TMEM51: variants seen among roughly 807,000 people sequenced by gnomAD.
TMEM51 encodes the protein transmembrane protein 51.
A neutral mutation model predicts 13.6 loss-of-function variants in TMEM51; 8 were observed. The ratio of observed to expected loss-of-function variants is 0.59; its 90% CI spans 0.35 to 1.07. TMEM51 has a LOEUF of 1.07. Ranked by LOEUF, TMEM51 falls within the 50% of genes least tolerant of loss-of-function variation. The pLI is 0.02. For synonymous variants in TMEM51, 147 were observed against 144.4 expected, an observed-to-expected ratio of 1.02 and a Z score of -0.13; for missense variants, 279 against 330.7, an observed-to-expected ratio of 0.84 and a Z score of 1.21.
intron 1 of TMEM51, among the ~76,000 whole-genome samples, chr1:15,173,684 A>G (rs886762025): frequency 6.6e-6 from 1 of 152,026 alleles, no homozygotes; most frequent in South Asian, 2.1e-4. Flanking sequence ...TCTAAAAAAA[A>G]AAAAACACAA....
chr1:15,190,295 G>A (rs1479219430), intron 1 of TMEM51, among the ~76,000 whole-genome samples: 2 of 152,176 alleles, frequency 1.3e-5, no homozygotes, highest in African/African-American at 2.4e-5. Context: ...TGGCTGCTTC[G>A]TGATGACATG....
At chr1:15,187,877 ACTCT>A (rs923449297) in intron 1 of TMEM51, among the ~76,000 whole-genome samples, 1 of 151,632 alleles carries the variant, frequency 6.6e-6, no homozygotes, top group African/African-American at 2.4e-5. Flanking sequence ...TCAGAGCCTG[ACTCT>A]CAGCCCCCAT....
chr1:15,217,324 A>G (rs1199335652), intron 3 of TMEM51, among the ~76,000 whole-genome samples: 6 of 152,164 alleles, frequency 3.9e-5, no homozygotes, highest in Admixed American at 3.9e-4. Flanking sequence ...TTGCCCTTCA[A>G]TTTACATTAA....
rs1643451358 is a variant in TMEM51, at chr1:15,176,173, A to C, written c.-267+22219A>C. ...CCAACAACCCAGTGGTTGCTCAGTC[A>C]ATGTTTATTGAAATGAATGAATGAA... is the stretch of plus-strand genomic sequence containing the variant. On this transcript the variant is annotated intron_variant, in intron 1 of 3. Transcript: ENST00000376008. Among the ~76,000 whole-genome samples, 3 of 152,162 alleles carry C rather than the reference A, an allele frequency of 2.0e-5. No individual in the cohort carries two copies. The South Asian group carries it at 6.2e-4, about 32-fold the overall frequency.
intron 1 of TMEM51, among the ~76,000 whole-genome samples, chr1:15,156,554 CT>C (rs748718272): frequency 1.4e-4 from 21 of 152,346 alleles, no homozygotes; most frequent in Non-Finnish European, 2.6e-4. Flanking sequence ...GGGCTGCTGA[CT>C]TTTGCTTTCA....
chr1:15,212,223 A>G (rs1644351898), intron 2 of TMEM51, among the ~76,000 whole-genome samples: 1 of 152,212 alleles, frequency 6.6e-6, no homozygotes, highest in African/African-American at 2.4e-5. Flanking sequence ...AAAACTTGCC[A>G]TCTAAAAAAA....
intron 1 of TMEM51, among the ~76,000 whole-genome samples, chr1:15,196,396 G>GCA (rs1445233857): frequency 0.036 from 105 of 2,928 alleles, no homozygotes; most frequent in African/African-American, 0.11. Context: ...GTGTGTGCAT[G>GCA]TGTGTGTGTG....
chr1:15,157,502 T>C (rs999795579), intron 1 of TMEM51, among the ~76,000 whole-genome samples: 1 of 152,176 alleles, frequency 6.6e-6, no homozygotes, highest in African/African-American at 2.4e-5. Flanking sequence ...TTCCAGAGTT[T>C]GTCTTGAATG....
rs80289608 is a variant in TMEM51, at chr1:15,184,891, T to C, written c.-266-25599T>C. ...CTGGGGAGATGCTATTGGTATCTAGTAGGTAGAGACCAGAGATGCTGTTAT... is the reference window on the plus strand; with the variant it reads ...CTGGGGAGATGCTATTGGTATCTAGCAGGTAGAGACCAGAGATGCTGTTAT... On this transcript the variant is annotated intron_variant, in intron 1 of 3. Transcript: ENST00000376008. 2.0e-3 allele frequency among the ~76,000 whole-genome samples: 304 copies of C among 152,006 alleles called. 1 individual carries two copies. The highest frequency in any genetic ancestry group is 2.8e-3 in the Non-Finnish European group (193 of 67,980).
At chr1:15,178,824 G>A (rs1288970557) in intron 1 of TMEM51, among the ~76,000 whole-genome samples, 1 of 152,232 alleles carries the variant, frequency 6.6e-6, no homozygotes, top group African/African-American at 2.4e-5. Context: ...TTTAGGGGAA[G>A]GACTGAGAAT....
chr1:15,193,017 G>T (rs998046895), intron 1 of TMEM51, among the ~76,000 whole-genome samples: 1 of 152,198 alleles, frequency 6.6e-6, no homozygotes, highest in African/African-American at 2.4e-5. Context: ...CCCAGTGAGG[G>T]CTGCCACCCG....
intron 1 of TMEM51, among the ~76,000 whole-genome samples, chr1:15,205,890 C>CAT (rs1290721710): frequency 6.6e-6 from 1 of 152,030 alleles, no homozygotes; most frequent in Non-Finnish European, 1.5e-5. Context: ...AAGCTCCTGG[C>CAT]ATACAGTAGG....
intron 1 of TMEM51, among the ~76,000 whole-genome samples, chr1:15,179,595 C>A (rs1643551235): frequency 6.6e-6 from 1 of 152,092 alleles, no homozygotes; most frequent in Non-Finnish European, 1.5e-5. Context: ...CCAGCCTGGG[C>A]AACATGGCAA....
intron 1 of TMEM51, among the ~76,000 whole-genome samples, chr1:15,163,658 TAGAAAGCC>T (rs1642874631): frequency 1.4e-5 from 2 of 140,770 alleles, no homozygotes; most frequent in Non-Finnish European, 1.6e-5. Flanking sequence ...GCAACAAAAT[TAGAAAGCC>T]ATTTTGTTTT....
chr1:15,201,187 C>T (rs574259263), intron 1 of TMEM51, among the ~76,000 whole-genome samples: 15 of 152,200 alleles, frequency 9.9e-5, no homozygotes, highest in Non-Finnish European at 2.2e-4. Context: ...GGCTCCTCTT[C>T]TGTGAAATGG....
intron 1 of TMEM51, among the ~76,000 whole-genome samples, chr1:15,159,951 T>C (rs1642720689): frequency 6.6e-6 from 1 of 152,208 alleles, no homozygotes; most frequent in Admixed American, 6.5e-5. Flanking sequence ...TGGCAGAACC[T>C]GGCAGAATGA....
At chr1:15,158,284 G>C (rs935234055) in intron 1 of TMEM51, among the ~76,000 whole-genome samples, 2 of 152,180 alleles carry the variant, frequency 1.3e-5, no homozygotes, top group Non-Finnish European at 2.9e-5. Flanking sequence ...CACTGTGGGA[G>C]TCCAGAGGGC....
chr1:15,209,305 C>T (rs1644300673), intron 1 of TMEM51, among the ~76,000 whole-genome samples: 1 of 151,702 alleles, frequency 6.6e-6, no homozygotes, highest in Admixed American at 6.6e-5. Flanking sequence ...CTATAGTGCC[C>T]AGGCTAGTCT....
At chr1:15,181,863 T>G (rs184706723) in intron 1 of TMEM51, among the ~76,000 whole-genome samples, 46 of 152,200 alleles carry the variant, frequency 3.0e-4, no homozygotes, top group Non-Finnish European at 5.9e-4. Context: ...GTTTATAAAT[T>G]TAAAATGTGT....
Sources: allele counts gnomAD v4.1 joint callset (sites outside exome capture counted in the v4.1 genomes callset), GRCh38; gene constraint gnomAD v4.1.1; transcripts MANE v1.5; gene names NCBI Gene and HGNC (gene_info 2026-07-23, HGNC 2026-07-21).